Variants in RPTOR observed in about 807,000 individuals in gnomAD.
RPTOR encodes regulatory associated protein of MTOR complex 1, also known as regulatory-associated protein of mTOR.
RPTOR carries 21 observed loss-of-function variants against 169.9 expected under a neutral mutation model. That is an observed-to-expected ratio of 0.12 (90% confidence interval 0.09 to 0.18). The LOEUF is 0.18. Among genes scored for constraint, RPTOR ranks in the 10% least tolerant of loss-of-function variants. The pLI is 1.00. For synonymous variants in RPTOR, 732 were observed against 753.2 expected, an observed-to-expected ratio of 0.97 and a Z score of 0.46; for missense variants, 1,133 against 1,855.9, an observed-to-expected ratio of 0.61 and a Z score of 7.16.
In RPTOR at chr17:80,936,639, G is replaced by T. The variant is rs12602601; in HGVS notation, c.2920-3857G>T. Among the ~76,000 whole-genome samples, 37,362 of 151,978 alleles carry T rather than the reference G, an allele frequency of 0.25. 5,471 individuals carry two copies. The highest frequency in any genetic ancestry group is 0.35 in the Middle Eastern group (102 of 294). ...CCATGTATACAACATTCCAGGGAAG[G>T]CAAAACTGTGTGGAACTGTTCTATA... is the stretch of plus-strand genomic sequence containing the variant. On this transcript the variant is annotated intron_variant, in intron 24 of 33. Transcript: ENST00000306801. This position sits in a 1 kb window ranked among gnomAD's most constrained non-coding sequence, Gnocchi z 4.1.
intron 3 of RPTOR, among the ~76,000 whole-genome samples, chr17:80,692,165 A>G (rs188346654): frequency 2.5e-3 from 377 of 152,206 alleles, no homozygotes; most frequent in Non-Finnish European, 3.8e-3. Flanking sequence ...AGGCTGGAGT[A>G]CAGTAGCAGA....
intron 3 of RPTOR, among the ~76,000 whole-genome samples, chr17:80,685,005 T>G (rs1211030348): frequency 1.3e-5 from 2 of 152,230 alleles, no homozygotes; most frequent in Non-Finnish European, 2.9e-5. Flanking sequence ...GGCTGTATCT[T>G]CAAGGTAAAT....
At chr17:80,834,102 G>A (rs2067537301) in intron 9 of RPTOR, among the ~76,000 whole-genome samples, 1 of 152,046 alleles carries the variant, frequency 6.6e-6, no homozygotes, top group Admixed American at 6.5e-5. Context: ...CCCCGAGAGG[G>A]CCTCTGGCTT....
rs2069322047 is a variant in RPTOR, at chr17:80,960,474, C to G, written c.3605+269C>G. Among the ~76,000 whole-genome samples the G allele has an allele frequency of 6.6e-6, 1 of 152,198 alleles. No homozygotes were observed. The highest frequency in any genetic ancestry group is 1.5e-5 in the Non-Finnish European group (1 of 68,022). ...CAGGGGACAGGCCATGTGGGATGAG[C>G]CAGTGGACTGGAGGCAGAGGCTGTC... On this transcript the variant is annotated intron_variant, in intron 30 of 33. Transcript: ENST00000306801. The surrounding 1 kb of genome is among the most constrained non-coding windows in gnomAD (Gnocchi z 4.8).
rs2068151108 is a variant in RPTOR, at chr17:80,878,766, C to T, written c.1510-1649C>T. On this transcript the variant is annotated intron_variant, in intron 13 of 33. Transcript: ENST00000306801. This position sits in a 1 kb window ranked among gnomAD's most constrained non-coding sequence, Gnocchi z 4.1. Reference sequence around the variant, plus strand: ...CCTCGGGTTTTGGGCAAATACTTCCCGAAGTATTATCGTTACCCCTGAATA... The same window carrying T: ...CCTCGGGTTTTGGGCAAATACTTCCTGAAGTATTATCGTTACCCCTGAATA... Among the ~76,000 whole-genome samples the T allele has an allele frequency of 6.6e-6, 1 of 152,136 alleles. No homozygotes were observed. The highest frequency in any genetic ancestry group is 2.1e-4 in the South Asian group (1 of 4,824).
chr17:80,957,854 C>A lies in RPTOR; in HGVS notation c.3477+124C>A. On this transcript the variant is annotated intron_variant, in intron 29 of 33. Transcript: ENST00000306801. The surrounding 1 kb of genome is among the most constrained non-coding windows in gnomAD (Gnocchi z 4.6). The stretch of plus-strand genomic sequence containing the variant: ...GCCATCCCAGGGGTGGAGTCAGGGC[C>A]TGGGAGGACAGTGCCGGGACAATGC... The A allele has an allele frequency of 1.2e-6, 1 of 838,904 alleles. No homozygotes were observed. The highest frequency in any genetic ancestry group is 1.9e-6 in the Non-Finnish European group (1 of 516,440). 52.0% of individuals were successfully genotyped at this position (838,904 alleles called of 1,614,324 possible).
intron 4 of RPTOR, among the ~76,000 whole-genome samples, chr17:80,725,707 C>T (rs950557297): frequency 6.6e-6 from 1 of 152,182 alleles, no homozygotes; most frequent in Non-Finnish European, 1.5e-5. Flanking sequence ...GACAAACGAC[C>T]CAGGACCTCT....
intron 3 of RPTOR, among the ~76,000 whole-genome samples, chr17:80,669,593 A>G (rs1304895411): frequency 6.6e-6 from 1 of 152,048 alleles, no homozygotes; most frequent in African/African-American, 2.4e-5. Flanking sequence ...CATGTTGGTC[A>G]GGCTGTTCTT....
chr17:80,847,426 G>A (rs1479376322), intron 11 of RPTOR, among the ~76,000 whole-genome samples: 3 of 152,260 alleles, frequency 2.0e-5, no homozygotes, highest in African/African-American at 7.2e-5. Flanking sequence ...GGGGAAGTGT[G>A]TGGGCTGAGT....
In RPTOR at chr17:80,803,701, G is replaced by A. The variant is rs1301793746; in HGVS notation, c.890+12192G>A. 3 of 152,238 alleles carry A rather than the reference G, an allele frequency of 2.0e-5. No homozygotes were observed. The highest frequency in any genetic ancestry group is 2.1e-4 in the South Asian group (1 of 4,836). 9.4% of individuals were successfully genotyped at this position (152,238 alleles called of 1,614,324 possible). ...ACTGGCTGTGTGCTAGGGCCTGTCC[G>A]AGGCTCTGGAGCCAAGTCCTTGCTC... On this transcript the variant is annotated intron_variant, in intron 7 of 33. Coordinates refer to ENST00000306801, the MANE Select transcript of RPTOR (RefSeq NM_020761.3). The surrounding 1 kb of genome is among the most constrained non-coding windows in gnomAD (Gnocchi z 6.2).
At position 80,791,501 on chromosome 17, in the gene RPTOR, G is replaced by A; in HGVS notation, c.882G>A (p.Leu294=). The change falls in exon 7 of 34, where the codon TTG becomes TTA. Residue 294 remains leucine, a synonymous_variant. Transcript: ENST00000306801. ...TGGTGCCTGGCGTCACACTGGATTT[G>A]ATAGAAAAGTAAGTAGGATTTTTAA... ...VSLVPGVTLD[L]IEKIPGRLND... is the part of the protein sequence containing the mutation. 1 of 1,613,386 alleles carries A rather than the reference G, an allele frequency of 6.2e-7. No individual in the cohort carries two copies. The highest frequency in any genetic ancestry group is 1.1e-5 in the South Asian group (1 of 90,832).
intron 3 of RPTOR, among the ~76,000 whole-genome samples, chr17:80,665,504 ATGTCC>A (rs1252856738): frequency 9.1e-5 from 1 of 11,036 alleles, no homozygotes; most frequent in Non-Finnish European, 1.6e-4. Context: ...TTTCCTTTCC[ATGTCC>A]TTTCCTTTCC....
intron 13 of RPTOR, among the ~76,000 whole-genome samples, chr17:80,871,266 C>T (rs182520985): frequency 2.0e-5 from 3 of 152,102 alleles, no homozygotes; most frequent in Non-Finnish European, 4.4e-5. Context: ...CCACCACGCC[C>T]GGCTAATTTT....
intron 7 of RPTOR, among the ~76,000 whole-genome samples, chr17:80,809,938 GAGGC>G (rs1408088185): frequency 1.3e-4 from 20 of 152,260 alleles, no homozygotes; most frequent in Middle Eastern, 3.4e-3. Context: ...TCGGGAGGCT[GAGGC>G]AGGAGAATCG....
chr17:80,721,862 T>G lies in RPTOR; in HGVS notation c.508-8698T>G, dbSNP rs2066289483. On this transcript the variant is annotated intron_variant, in intron 4 of 33. Coordinates refer to ENST00000306801, the MANE Select transcript of RPTOR (RefSeq NM_020761.3). This position sits in a 1 kb window ranked among gnomAD's most constrained non-coding sequence, Gnocchi z 4.7. The stretch of plus-strand genomic sequence containing the variant: ...AACAAGTCTTCATTATTATCCAATT[T>G]GGTATATATATATATATTTCAGGTT... Among the ~76,000 whole-genome samples the G allele has an allele frequency of 1.4e-5, 2 of 142,630 alleles. 1 individual carries two copies. Among genetic ancestry groups the G allele is most frequent in the African/African-American group, 5.1e-5 (2 of 38,882 alleles). The allele number at this position is 142,630 out of a possible 152,430, so 93.6% of individuals were successfully genotyped here.
chr17:80,850,864 C>G (rs989578909), intron 11 of RPTOR, among the ~76,000 whole-genome samples: 5 of 152,332 alleles, frequency 3.3e-5, no homozygotes, highest in African/African-American at 1.2e-4. Flanking sequence ...ACTGGAGAAT[C>G]TTTTCTTATG....
rs2069412298 is a variant in RPTOR, at chr17:80,965,301, C to T, written c.*971C>T. Reference sequence around the variant, plus strand: ...GCGGCGTGGTCTCCCTGCTCTGTCCCCACACGTTCCTCACATACAGGCAAG... The same window carrying T: ...GCGGCGTGGTCTCCCTGCTCTGTCCTCACACGTTCCTCACATACAGGCAAG... On this transcript the variant is annotated 3_prime_UTR_variant, in exon 34 of 34. Coordinates refer to ENST00000306801, the MANE Select transcript of RPTOR (RefSeq NM_020761.3). 1 of 233,388 alleles carries T rather than the reference C, an allele frequency of 4.3e-6. No homozygotes were observed. The highest frequency in any genetic ancestry group is 8.5e-6 in the Non-Finnish European group (1 of 118,112). The allele number at this position is 233,388 out of a possible 1,614,324, so 14.5% of individuals were successfully genotyped here.
intron 6 of RPTOR, among the ~76,000 whole-genome samples, chr17:80,769,547 G>A (rs1425335501): frequency 6.6e-6 from 1 of 152,152 alleles, no homozygotes; most frequent in Non-Finnish European, 1.5e-5. Flanking sequence ...GTCCCTGTGT[G>A]CCCGGAAAAG....
rs923106992 is a variant in RPTOR, at chr17:80,854,629, C to T, written c.1315-835C>T. Among the ~76,000 whole-genome samples the T allele has an allele frequency of 1.7e-4, 26 of 152,370 alleles. No individual in the cohort carries two copies. The East Asian group carries it at 4.8e-3, about 28-fold the overall frequency. On this transcript the variant is annotated intron_variant, in intron 11 of 33. Transcript: ENST00000306801. Reference sequence around the variant, plus strand: ...AGCATTTTGGCCAGGCATGATGGCCCACGCCTGTAATCCCTACACTTCGGG... The same window carrying T: ...AGCATTTTGGCCAGGCATGATGGCCTACGCCTGTAATCCCTACACTTCGGG...
Sources: gnomAD v4.1 joint callset for allele counts (sites outside exome capture counted in the v4.1 genomes callset) on GRCh38, gnomAD v4.1.1 for gene constraint, Gnocchi (gnomAD v3.1) non-coding constraint, MANE v1.5 for transcripts, NCBI Gene and HGNC (gene_info 2026-07-23, HGNC 2026-07-21) for gene names.